GNPAT: variants seen among roughly 807,000 people sequenced by gnomAD.
The protein encoded by GNPAT is glyceronephosphate O-acyltransferase.
A neutral mutation model predicts 78.4 loss-of-function variants in GNPAT; 30 were observed. The observed-to-expected ratio is 0.38, with a 90% CI of 0.29 to 0.52. The LOEUF is 0.52. GNPAT is among the 20% of genes least tolerant of loss of function. GNPAT has a pLI of 0.84. For synonymous variants in GNPAT, 271 were observed against 281.1 expected (o/e 0.96, Z 0.36); for missense variants, 714 against 812.2 (o/e 0.88, Z 1.47).
Position 231,266,032 on chromosome 1 carries a change from T to C in GNPAT, c.791T>C (p.Met264Thr), listed in dbSNP as rs368200593. Reference protein sequence around the residue: ...TPKFGLLNIVMEPFFKREVFD... With the variant: ...TPKFGLLNIVTEPFFKREVFD... Reference sequence around the variant, plus strand: ...TTTGCAGGTCTTCTGAATATTGTGATGGAGCCATTTTTTAAAAGAGAAGTT... The same window carrying C: ...TTTGCAGGTCTTCTGAATATTGTGACGGAGCCATTTTTTAAAAGAGAAGTT... Residue 264 changes from methionine (M) to threonine (T), a missense_variant, in exon 7 of 16, where the codon ATG becomes ACG. By Grantham distance (81) the Met-to-Thr change is moderately conservative. Coordinates refer to ENST00000366647, the MANE Select transcript of GNPAT (RefSeq NM_014236.4). 3.7e-6 allele frequency: 6 copies of C among 1,612,656 alleles called. No individual in the cohort carries two copies. The African/African-American group carries it at 8.0e-5, about 22-fold the overall frequency.
At chr1:231,267,647 C>T (rs547587509) in intron 8 of GNPAT, 33 bp from the exon 9 acceptor site, 9 of 1,184,262 alleles carry the variant, frequency 7.6e-6, no homozygotes, top group Non-Finnish European at 1.1e-5. Context: ...AGTAACAGAA[C>T]TGTAATTTGT....
intron 9 of GNPAT, chr1:231,270,001 C>A (rs1685513694): frequency 6.5e-6 from 1 of 152,766 alleles, no homozygotes; most frequent in African/African-American, 2.4e-5. Context: ...GAAGCCATAC[C>A]TCTCACTTGT....
At position 231,277,785 on chromosome 1, in the gene GNPAT, CAT is replaced by C; in HGVS notation, c.*244_*245del. The C allele has an allele frequency of 4.2e-6, 2 of 472,730 alleles. No homozygotes were observed. The highest frequency in any genetic ancestry group is 7.6e-6 in the Non-Finnish European group (2 of 261,726). The allele number at this position is 472,730 out of a possible 1,614,324, so 29.3% of individuals were successfully genotyped here. ...GTGTTTTAAAATAAACTTTTGGAAA[CAT>C]GTTTGGAAAAGCAAAGCTCAGCTCA... is the stretch of plus-strand genomic sequence containing the variant. On this transcript the variant is annotated 3_prime_UTR_variant, in exon 16 of 16. Coordinates refer to ENST00000366647, the MANE Select transcript of GNPAT (RefSeq NM_014236.4).
intron 14 of GNPAT, 136 bp downstream of exon 14, chr1:231,275,634 T>G: frequency 1.4e-6 from 1 of 695,442 alleles, no homozygotes; most frequent in Non-Finnish European, 2.6e-6. Flanking sequence ...ATCCTCTAAT[T>G]AGTTAAGTCA....
intron 1 of GNPAT, among the ~76,000 whole-genome samples, chr1:231,242,484 CCTCT>C (rs1684640958): frequency 6.6e-6 from 1 of 152,106 alleles, no homozygotes; most frequent in African/African-American, 2.4e-5. Flanking sequence ...ACTTCTGTTC[CCTCT>C]CTATCAAGAC....
intron 2 of GNPAT, among the ~76,000 whole-genome samples, chr1:231,251,647 A>T (rs1387932670): frequency 6.6e-6 from 1 of 152,196 alleles, no homozygotes; most frequent in Admixed American, 6.5e-5. Flanking sequence ...AATGTCAGGG[A>T]AGGGAATATC....
chr1:231,242,452 A>G (rs183114605), intron 1 of GNPAT, among the ~76,000 whole-genome samples: 15 of 152,322 alleles, frequency 9.8e-5, no homozygotes, highest in African/African-American at 1.9e-4. Context: ...TGAGACACCA[A>G]TATTCTTTGG....
chr1:231,275,543 A>G, intron 14 of GNPAT, 45 bp downstream of exon 14: 1 of 1,061,162 alleles, frequency 9.4e-7, no homozygotes, highest in Non-Finnish European at 1.5e-6. Flanking sequence ...GAACAAGGAA[A>G]TGAATGACAT....
chr1:231,247,564 A>G (rs1684782820), intron 1 of GNPAT, among the ~76,000 whole-genome samples: 1 of 152,190 alleles, frequency 6.6e-6, no homozygotes, highest in Non-Finnish European at 1.5e-5. Context: ...TGATGGCTAA[A>G]TATTTCCCAG....
chr1:231,261,981 G>A (rs1043358706), intron 3 of GNPAT, among the ~76,000 whole-genome samples: 2 of 152,154 alleles, frequency 1.3e-5, no homozygotes, highest in African/African-American at 4.8e-5. Flanking sequence ...ACCAAGGGTG[G>A]TGGTGAGCCA....
At chr1:231,251,625 C>T (rs965247178) in intron 2 of GNPAT, among the ~76,000 whole-genome samples, 1 of 151,996 alleles carries the variant, frequency 6.6e-6, no homozygotes, top group Non-Finnish European at 1.5e-5. Context: ...ATCCCCATGC[C>T]AATTAAATAA....
At chr1:231,244,818 A>C (rs115587191) in intron 1 of GNPAT, among the ~76,000 whole-genome samples, 1,991 of 152,294 alleles carry the variant, frequency 0.013, 30 homozygotes, top group African/African-American at 0.045. Flanking sequence ...TAGAATGAAA[A>C]GAAGACTGAG....
chr1:231,251,739 T>G (rs1684904826), intron 2 of GNPAT, among the ~76,000 whole-genome samples: 1 of 152,188 alleles, frequency 6.6e-6, no homozygotes, highest in African/African-American at 2.4e-5. Flanking sequence ...ACCGAAGCCT[T>G]GAAAAGACTT....
intron 3 of GNPAT, among the ~76,000 whole-genome samples, chr1:231,262,293 T>C (rs751321653): frequency 1.3e-5 from 2 of 152,218 alleles, no homozygotes; most frequent in African/African-American, 2.4e-5. Flanking sequence ...AACAGTTGGC[T>C]TTTTAAGTCA....
chr1:231,253,570 C>G (rs552239637), intron 2 of GNPAT, among the ~76,000 whole-genome samples: 1 of 152,246 alleles, frequency 6.6e-6, no homozygotes, highest in East Asian at 1.9e-4. Flanking sequence ...AGCTGTGCTC[C>G]TATTCCTTTG....
rs579924 is a variant in GNPAT at position 231,268,084 on chromosome 1, C to T, written c.1279+181C>T. On this transcript the variant is annotated intron_variant, in intron 9 of 15. Transcript: ENST00000366647. ...TTGGGAGGCCAAGGCAGGTGGATCA[C>T]GAGGTCAGGAGATTGAGACCATCCT... Among the ~76,000 whole-genome samples the T allele has an allele frequency of 0.55, 83,010 of 151,940 alleles. 22,857 individuals are homozygous for T. The highest frequency in any genetic ancestry group is 0.62 in the East Asian group (3,149 of 5,114).
chr1:231,258,797 A>ATT (rs1194823491), intron 2 of GNPAT, among the ~76,000 whole-genome samples: 1 of 143,934 alleles, frequency 6.9e-6, no homozygotes, highest in African/African-American at 2.6e-5. Flanking sequence ...CACCCAGCTA[A>ATT]TTTTTTTTTT....
At chr1:231,267,292 AT>A (rs1381209702) in intron 8 of GNPAT, among the ~76,000 whole-genome samples, 1 of 152,204 alleles carries the variant, frequency 6.6e-6, no homozygotes, top group Non-Finnish European at 1.5e-5. Context: ...TAGTTATTAT[AT>A]AATCTGTTAA....
At chr1:231,252,470 C>T (rs1684924248) in intron 2 of GNPAT, among the ~76,000 whole-genome samples, 1 of 152,174 alleles carries the variant, frequency 6.6e-6, no homozygotes, top group Admixed American at 6.5e-5. Context: ...CGTCATATCA[C>T]CCAGGTGCTT....
Sources: allele counts gnomAD v4.1 joint callset (sites outside exome capture counted in the v4.1 genomes callset), GRCh38; gene constraint gnomAD v4.1.1; transcripts MANE v1.5; gene names NCBI Gene and HGNC (gene_info 2026-07-23, HGNC 2026-07-21).